EYA2: variants seen among roughly 807,000 people sequenced by gnomAD.
EYA2 encodes EYA transcriptional coactivator and phosphatase 2.
EYA2 carries 31 observed loss-of-function variants against 69.2 expected under a neutral mutation model. That is an observed-to-expected ratio of 0.45 (90% CI 0.34 to 0.60). The LOEUF is 0.60. Among genes scored for constraint, EYA2 ranks in the 20% least tolerant of loss-of-function variants. The pLI is 0.02. For missense variants in EYA2, 622 were observed against 701.2 expected (o/e 0.89, Z 1.28); for synonymous variants, 257 against 279.4 (o/e 0.92, Z 0.80).
intron 5 of EYA2, among the ~76,000 whole-genome samples, chr20:47,023,312 C>T (rs1466895806): frequency 1.3e-5 from 2 of 152,140 alleles, no homozygotes; most frequent in East Asian, 1.9e-4. Flanking sequence ...TAGTATAACT[C>T]GGAAGTTGCA....
chr20:47,057,517 C>CG (rs1054782301), intron 5 of EYA2, among the ~76,000 whole-genome samples: 3 of 150,582 alleles, frequency 2.0e-5, no homozygotes, highest in African/African-American at 7.3e-5. Flanking sequence ...ATCACCCCCC[C>CG]CCCCCATCTC....
chr20:47,064,652 T>C (rs1285528040), intron 5 of EYA2, among the ~76,000 whole-genome samples: 1 of 152,206 alleles, frequency 6.6e-6, no homozygotes, highest in Non-Finnish European at 1.5e-5. Context: ...ACATTTTTTC[T>C]TTTTCTTTTT....
At chr20:47,063,423 G>GTGTGTGTGTGTGTGTGTGTT (rs2030982919) in intron 5 of EYA2, among the ~76,000 whole-genome samples, 3 of 144,868 alleles carry the variant, frequency 2.1e-5, no homozygotes, top group Admixed American at 2.1e-4. Flanking sequence ...GTGTGTGTGT[G>GTGTGTGTGTGTGTGTGTGTT]TGTGTGTTTT....
chr20:47,115,073 A>G (rs1035198488), intron 9 of EYA2, among the ~76,000 whole-genome samples: 30 of 152,220 alleles, frequency 2.0e-4, no homozygotes, highest in African/African-American at 7.2e-4. Context: ...TGGACTCACA[A>G]AGATACTTTC....
intron 1 of EYA2, among the ~76,000 whole-genome samples, chr20:46,955,824 T>C (rs986131052): frequency 5.9e-5 from 9 of 152,254 alleles, no homozygotes; most frequent in African/African-American, 2.2e-4. Flanking sequence ...CCTATGTTGA[T>C]CACTGAGTAC....
At chr20:47,008,299 C>T (rs1466820283) in intron 4 of EYA2, among the ~76,000 whole-genome samples, 1 of 152,160 alleles carries the variant, frequency 6.6e-6, no homozygotes, top group East Asian at 1.9e-4. Flanking sequence ...AATAACTTAC[C>T]CAAGGTCACC....
chr20:47,009,126 A>T (rs1982904878), intron 4 of EYA2, among the ~76,000 whole-genome samples: 1 of 152,222 alleles, frequency 6.6e-6, no homozygotes, highest in African/African-American at 2.4e-5. Flanking sequence ...GCCCACCCCA[A>T]GAGAAATGCT....
chr20:47,125,047 G>GTTTT (rs11478823), intron 9 of EYA2, among the ~76,000 whole-genome samples: 10 of 88,416 alleles, frequency 1.1e-4, no homozygotes, highest in Non-Finnish European at 2.0e-4. Flanking sequence ...TTTTGGTTAA[G>GTTTT]TTTTTTTTTT....
In EYA2 at chr20:47,182,627, C is replaced by T. The variant is rs1201129370; in HGVS notation, c.1436-664C>T. ...CTGGGCAACAAGAACGAGACTCCGT[C>T]TAAAAAAAAAAAAAAAAGGTTAAGA... On this transcript the variant is annotated intron_variant, in intron 14 of 15. Coordinates refer to ENST00000327619, the MANE Select transcript of EYA2 (RefSeq NM_005244.5). 7.6e-3 allele frequency among the ~76,000 whole-genome samples: 225 copies of T among 29,620 alleles called. 2 individuals carry two copies. The highest frequency in any genetic ancestry group is 0.01 in the Non-Finnish European group (180 of 17,982). 19.4% of individuals were successfully genotyped at this position (29,620 alleles called of 152,430 possible).
intron 5 of EYA2, among the ~76,000 whole-genome samples, chr20:47,051,725 C>A (rs1396963899): frequency 6.6e-6 from 1 of 152,218 alleles, no homozygotes; most frequent in East Asian, 1.9e-4. Context: ...CCCCTCCTGA[C>A]TCATGTCAGC....
At chr20:47,010,260 C>T (rs986030979) in intron 4 of EYA2, among the ~76,000 whole-genome samples, 1 of 152,146 alleles carries the variant, frequency 6.6e-6, no homozygotes, top group African/African-American at 2.4e-5. Context: ...ATAACACTGA[C>T]GTATTATTTC....
At chr20:47,089,019 C>T (rs547670135) in intron 7 of EYA2, among the ~76,000 whole-genome samples, 258 of 152,304 alleles carry the variant, frequency 1.7e-3, no homozygotes, top group Non-Finnish European at 1.6e-3. Flanking sequence ...GGAGCAGTGC[C>T]CGCTGACCAA....
intron 9 of EYA2, among the ~76,000 whole-genome samples, chr20:47,131,222 G>T (rs958847744): frequency 6.6e-6 from 1 of 152,182 alleles, no homozygotes; most frequent in African/African-American, 2.4e-5. Context: ...TGGGTTGTGG[G>T]ACAATTTTTC....
intron 5 of EYA2, among the ~76,000 whole-genome samples, chr20:47,060,954 C>G (rs1007000039): frequency 2.0e-5 from 3 of 149,598 alleles, no homozygotes; most frequent in African/African-American, 7.4e-5. Flanking sequence ...CTCCCAGGTT[C>G]AAGTGATTCT....
intron 1 of EYA2, among the ~76,000 whole-genome samples, chr20:46,964,866 G>A (rs1287821045): frequency 1.3e-5 from 2 of 152,158 alleles, no homozygotes; most frequent in Admixed American, 6.5e-5. Context: ...CAAGCTGCTT[G>A]GGTTTGAATT....
At chr20:46,995,267 A>C (rs1002082762) in intron 2 of EYA2, among the ~76,000 whole-genome samples, 1 of 152,252 alleles carries the variant, frequency 6.6e-6, no homozygotes, top group Non-Finnish European at 1.5e-5. Context: ...AGCCAGTTCC[A>C]GAAATGAAAC....
intron 5 of EYA2, among the ~76,000 whole-genome samples, chr20:47,062,391 G>A (rs1030330509): frequency 6.6e-6 from 1 of 152,218 alleles, no homozygotes; most frequent in African/African-American, 2.4e-5. Context: ...CACAGCTGGG[G>A]CTGAGTTCGC....
At chr20:47,010,018 T>A (rs550340629) in intron 4 of EYA2, among the ~76,000 whole-genome samples, 1 of 152,352 alleles carries the variant, frequency 6.6e-6, no homozygotes, top group South Asian at 2.1e-4. Flanking sequence ...CACTACTTGA[T>A]GGCACCATAA....
At chr20:46,966,560 G>A (rs1979793675) in intron 1 of EYA2, among the ~76,000 whole-genome samples, 1 of 152,066 alleles carries the variant, frequency 6.6e-6, no homozygotes, top group Non-Finnish European at 1.5e-5. Flanking sequence ...TGTAATCCCA[G>A]TACTTTGGGA....
Sources: gnomAD v4.1 joint callset for allele counts (sites outside exome capture counted in the v4.1 genomes callset) on GRCh38, gnomAD v4.1.1 for gene constraint, MANE v1.5 for transcripts, NCBI Gene and HGNC (gene_info 2026-07-23, HGNC 2026-07-21) for gene names.